RBFOX1: variants seen among roughly 807,000 people sequenced by gnomAD.
The protein encoded by RBFOX1 is RNA binding protein fox-1 homolog 1.
RBFOX1 carries 8 observed loss-of-function variants against 57.7 expected under a neutral mutation model. That is an observed-to-expected ratio of 0.14 (90% confidence interval 0.08 to 0.25). The LOEUF (loss-of-function observed/expected upper bound fraction) is 0.25, where lower values mean the gene tolerates loss of function less well. Among genes scored for constraint, RBFOX1 ranks in the 10% least tolerant of loss-of-function variants. The pLI is 1.00. For synonymous variants in RBFOX1, 326 were observed against 222.4 expected (o/e 1.47, Z -4.15); for missense variants, 611 against 548.5 (o/e 1.11, Z -1.14).
intron 1 of RBFOX1, among the ~76,000 whole-genome samples, chr16:5,419,381 G>A (rs2067248588): frequency 6.6e-6 from 1 of 152,082 alleles, no homozygotes; most frequent in Admixed American, 6.6e-5. Context: ...GTGGGCTGGG[G>A]GAGGCTAAAG....
At chr16:6,594,040 A>C (rs1258183377) in intron 2 of RBFOX1, among the ~76,000 whole-genome samples, 2 of 152,160 alleles carry the variant, frequency 1.3e-5, no homozygotes, top group Non-Finnish European at 2.9e-5. Flanking sequence ...TTAACTACCC[A>C]GGGAACATCA....
At chr16:6,913,371 C>G (rs1006200236) in intron 3 of RBFOX1, among the ~76,000 whole-genome samples, 1 of 152,048 alleles carries the variant, frequency 6.6e-6, no homozygotes, top group African/African-American at 2.4e-5. Context: ...CGTGTTAGCT[C>G]AGGCCAAGAG....
chr16:7,250,199 T>C (rs561872576), intron 4 of RBFOX1, among the ~76,000 whole-genome samples: 2 of 152,336 alleles, frequency 1.3e-5, no homozygotes, highest in African/African-American at 4.8e-5. Context: ...AAATGTGGTG[T>C]TTCTAAATGG....
chr16:5,326,112 G>C lies in RBFOX1; in HGVS notation c.219+86007G>C, dbSNP rs2064562410. ...AGAGTTCCAGTTGCTCCACATCCTT[G>C]TCAGCACTTGGTATCGTCAGCATTT... is the stretch of plus-strand genomic sequence containing the variant. On this transcript the variant is annotated intron_variant, in intron 1 of 2. Coordinates refer to the RBFOX1 transcript ENST00000585867. 2.0e-5 allele frequency among the ~76,000 whole-genome samples: 3 copies of C among 152,152 alleles called. No homozygotes were observed. In the South Asian group the frequency reaches 6.2e-4, roughly 32 times the overall value.
rs143669657 is a variant in RBFOX1, at chr16:5,654,790, C to CCT, written c.318+55844_318+55845dup. Among the ~76,000 whole-genome samples, 557 of 149,680 alleles carry CCT rather than the reference C, an allele frequency of 3.7e-3. 3 individuals carry two copies. The highest frequency in any genetic ancestry group is 0.012 in the African/African-American group (481 of 41,150). ...CCTCCTTCCTCCTTCTTCCTTCTTT[C>CCT]CTCTCTCTCTCTCTCTGTCCCTCGC... On this transcript the variant is annotated intron_variant, in intron 3 of 19. Transcript: ENST00000641259.
In RBFOX1 at chr16:7,001,488, G is replaced by A. The variant is rs1050435206; in HGVS notation, c.-15-50569G>A. ...TATGTATATTTTGAGATGGAGTCTC[G>A]CTTTGTTGCCGAGGATGGAGTACAG... On this transcript the variant is annotated intron_variant, in intron 3 of 15. Transcript: ENST00000550418. 2.6e-5 allele frequency among the ~76,000 whole-genome samples: 4 copies of A among 151,398 alleles called. No homozygotes were observed. The Middle Eastern group carries it at 0.014, about 515-fold the overall frequency.
chr16:5,252,111 G>A (rs2062467507), intron 1 of RBFOX1, among the ~76,000 whole-genome samples: 1 of 152,160 alleles, frequency 6.6e-6, no homozygotes, highest in East Asian at 1.9e-4. Context: ...GATGCCAGGT[G>A]ACCCTCTGTT....
Position 6,148,215 on chromosome 16 carries a change from T to C in RBFOX1, c.-127+128223T>C, listed in dbSNP as rs927060968. ...GGTGGCATGTACCTGTAATCCCAGC[T>C]ACTTGGGAGGCTGAGGCAGGGGAAT... On this transcript the variant is annotated intron_variant, in intron 1 of 15. Coordinates refer to ENST00000550418, the MANE Select transcript of RBFOX1 (RefSeq NM_018723.4). Among the ~76,000 whole-genome samples, 8 of 152,292 alleles carry C rather than the reference T, an allele frequency of 5.3e-5. No homozygotes were observed. In the East Asian group the frequency reaches 1.6e-3, roughly 30 times the overall value.
chr16:6,996,768 G>C (rs984672506), intron 3 of RBFOX1, among the ~76,000 whole-genome samples: 2 of 152,114 alleles, frequency 1.3e-5, no homozygotes, highest in African/African-American at 4.8e-5. Flanking sequence ...ATGTCAGATA[G>C]AGGGATTTAA....
intron 3 of RBFOX1, among the ~76,000 whole-genome samples, chr16:5,646,078 G>A (rs2049043874): frequency 6.6e-6 from 1 of 151,696 alleles, no homozygotes; most frequent in Non-Finnish European, 1.5e-5. Flanking sequence ...TGCCCAGGTT[G>A]GAGTACGGTG....
At chr16:6,416,790 C>T (rs1188513234) in intron 2 of RBFOX1, among the ~76,000 whole-genome samples, 1 of 152,126 alleles carries the variant, frequency 6.6e-6, no homozygotes, top group Non-Finnish European at 1.5e-5. Flanking sequence ...ACGGATACAT[C>T]AAACAGGTTG....
At chr16:5,366,617 A>T (rs1204190239) in intron 1 of RBFOX1, 3 of 407,622 alleles carry the variant, frequency 7.4e-6, no homozygotes, top group Non-Finnish European at 1.4e-5. Context: ...TTCATCAATT[A>T]TGTGAAGAAT....
At chr16:5,656,886 A>G (rs2049448052) in intron 3 of RBFOX1, among the ~76,000 whole-genome samples, 1 of 152,192 alleles carries the variant, frequency 6.6e-6, no homozygotes, top group Non-Finnish European at 1.5e-5. Context: ...GAACAATGAG[A>G]AAATATGGAC....
At chr16:7,064,198 T>A (rs1250570167) in intron 4 of RBFOX1, among the ~76,000 whole-genome samples, 9 of 124,906 alleles carry the variant, frequency 7.2e-5, no homozygotes, top group Non-Finnish European at 1.4e-4. Context: ...AGGTGGAGTC[T>A]CACTATGTGG....
intron 2 of RBFOX1, among the ~76,000 whole-genome samples, chr16:6,554,389 C>CGT (rs1485453071): frequency 6.6e-6 from 1 of 151,938 alleles, no homozygotes; most frequent in African/African-American, 2.4e-5. Flanking sequence ...AGGGATGGAG[C>CGT]GTGGACTGCA....
intron 4 of RBFOX1, among the ~76,000 whole-genome samples, chr16:7,321,007 A>G (rs1314185403): frequency 6.6e-6 from 1 of 152,154 alleles, no homozygotes; most frequent in Non-Finnish European, 1.5e-5. Flanking sequence ...TGCTATTACG[A>G]TAAAAATAAG....
intron 4 of RBFOX1, among the ~76,000 whole-genome samples, chr16:7,081,022 G>T (rs188722569): frequency 6.6e-6 from 1 of 152,094 alleles, no homozygotes; most frequent in Non-Finnish European, 1.5e-5. Context: ...GTTGCTGGCC[G>T]TAGCCACACT....
intron 11 of RBFOX1, among the ~76,000 whole-genome samples, chr16:7,637,076 C>G (rs1207666706): frequency 6.6e-6 from 1 of 152,104 alleles, no homozygotes; most frequent in Non-Finnish European, 1.5e-5. Context: ...TTTTATTTGT[C>G]AAGGGCTAGA....
chr16:6,727,087 AAC>A (rs1202916900), intron 3 of RBFOX1, among the ~76,000 whole-genome samples: 5 of 130,866 alleles, frequency 3.8e-5, no homozygotes, highest in Non-Finnish European at 8.1e-5. Context: ...AGACACACAA[AAC>A]ACACACAGAC....
Sources: allele counts gnomAD v4.1 joint callset (sites outside exome capture counted in the v4.1 genomes callset), GRCh38; gene constraint gnomAD v4.1.1; transcripts MANE v1.5; gene names NCBI Gene and HGNC (gene_info 2026-07-23, HGNC 2026-07-21).